Variants in H2BC5 observed in about 807,000 individuals in gnomAD.
The protein encoded by H2BC5 is histone H2B type 1-D.
In H2BC5, 9 loss-of-function variants were observed where a neutral mutation model predicts 5.7. The ratio of observed to expected loss-of-function variants is 1.57; its 90% CI spans 0.95 to 2.74. The LOEUF (loss-of-function observed/expected upper bound fraction) is 2.74, where lower values mean the gene tolerates loss of function less well. H2BC5 is among the 30% of genes most tolerant of loss of function. The probability of loss-of-function intolerance (pLI) is 0.00; values close to 1 mark genes in which losing one functional copy is unlikely to be tolerated. For missense variants in H2BC5, 175 were observed against 168.8 expected (o/e 1.04, Z -0.20); for synonymous variants, 133 against 70.9 (o/e 1.88, Z -4.40).
chr6:26,164,140 T>G, intron 1 of H2BC5: 1 of 445,770 alleles, frequency 2.2e-6, no homozygotes, highest in Non-Finnish European at 4.5e-6. Context: ...CCCCCGTGGG[T>G]GAGGAGGCCA....
At chr6:26,169,478 G>A (rs923029957) in intron 1 of H2BC5, among the ~76,000 whole-genome samples, 1 of 151,992 alleles carries the variant, frequency 6.6e-6, no homozygotes, top group African/African-American at 2.4e-5. Flanking sequence ...TTGCATCAAG[G>A]CAAACATATG....
chr6:26,159,643 T>G (rs1764320760), downstream of H2BC5, among the ~76,000 whole-genome samples: 1 of 152,068 alleles, frequency 6.6e-6, no homozygotes. Context: ...TGGATGAGGC[T>G]AGGTTTGGAG....
chr6:26,166,448 A>G (rs2113837077), intron 1 of H2BC5, among the ~76,000 whole-genome samples: 1 of 152,174 alleles, frequency 6.6e-6, no homozygotes, highest in Admixed American at 6.5e-5. Flanking sequence ...CAGGTCACGC[A>G]GCCATGTACT....
At position 26,158,556 on chromosome 6, in the gene H2BC5, C is replaced by T. The variant is rs755042577; in HGVS notation, c.*6C>T. The stretch of plus-strand genomic sequence containing the variant: ...AGTACACCAGTTCCAAGTAACTTTG[C>T]CAAGTAAGCATCTTTACACCTAATC... On this transcript the variant is annotated 3_prime_UTR_variant, in exon 1 of 1. Coordinates refer to ENST00000377777, the MANE Select transcript of H2BC5 (RefSeq NM_021063.4). 1.2e-5 allele frequency: 20 copies of T among 1,613,934 alleles called. No homozygotes were observed. Among genetic ancestry groups the T allele is most frequent in the Non-Finnish European group, 1.7e-5 (20 of 1,179,976 alleles).
intron 1 of H2BC5, among the ~76,000 whole-genome samples, chr6:26,165,074 GA>G (rs1308207049): frequency 2.0e-5 from 3 of 151,756 alleles, no homozygotes; most frequent in East Asian, 3.9e-4. Flanking sequence ...GGGAAAATGG[GA>G]AAAAAAATCA....
chr6:26,161,393 G>A (rs923911679), downstream of H2BC5, among the ~76,000 whole-genome samples: 2 of 152,054 alleles, frequency 1.3e-5, no homozygotes, highest in Non-Finnish European at 1.5e-5. Flanking sequence ...TGGACCTACC[G>A]GTAGAAATTT....
chr6:26,160,307 A>T (rs1290370642), downstream of H2BC5, among the ~76,000 whole-genome samples: 2 of 152,122 alleles, frequency 1.3e-5, no homozygotes, highest in East Asian at 3.8e-4. Context: ...CACCTCAACA[A>T]ATTGCCACAG....
At chr6:26,167,259 C>T (rs961002236) in intron 1 of H2BC5, among the ~76,000 whole-genome samples, 2 of 152,070 alleles carry the variant, frequency 1.3e-5, no homozygotes, top group African/African-American at 2.4e-5. Flanking sequence ...AACAGCCTGC[C>T]GAGATCTCTC....
chr6:26,161,281 A>G (rs1370763053), downstream of H2BC5: 1 of 152,258 alleles, frequency 6.6e-6, no homozygotes, highest in African/African-American at 2.4e-5. Context: ...GTGACCACAT[A>G]GATTTGAAAA....
downstream of H2BC5, chr6:26,158,744 C>T: frequency 9.7e-6 from 9 of 929,132 alleles, no homozygotes; most frequent in Non-Finnish European, 1.4e-5. Flanking sequence ...ACAATAGGTA[C>T]TAGAAATTGA....
At chr6:26,158,669 A>G, downstream of H2BC5, 1 of 1,431,682 alleles carries the variant, frequency 7.0e-7, no homozygotes, top group East Asian at 2.3e-5. Context: ...ACTTAGCACC[A>G]CAGTACCAAT....
chr6:26,162,715 T>C (rs1220430563), downstream of H2BC5, among the ~76,000 whole-genome samples: 3 of 152,086 alleles, frequency 2.0e-5, no homozygotes, highest in African/African-American at 7.2e-5. Flanking sequence ...TTTTTTGTAT[T>C]TTTAGTAGAG....
rs199994497 is a variant in H2BC5 at position 26,158,306 on chromosome 6, T to C, written c.137T>C (p.Leu46Pro). The change falls in exon 1 of 1, where the codon CTG becomes CCG. Residue 46 changes from leucine to proline, a missense_variant. Transcript: ENST00000377777. ...ESYSVYVYKV[L>P]KQVHPDTGIS... ...TATTCAGTGTATGTGTACAAGGTGC[T>C]GAAGCAGGTCCATCCCGACACCGGC... 9 of 1,614,244 alleles carry C rather than the reference T, an allele frequency of 5.6e-6. No individual in the cohort carries two copies. The Admixed American group carries it at 1.0e-4, about 18-fold the overall frequency.
Position 26,158,598 on chromosome 6 carries a change from G to A in H2BC5, c.*48G>A, listed in dbSNP as rs751049468. 6.3e-7 allele frequency: 1 copy of A among 1,597,190 alleles called. No individual in the cohort carries two copies. Among genetic ancestry groups the A allele is most frequent in the African/African-American group, 1.4e-5 (1 of 73,970 alleles). ...CACCTAATCCCAAAGGCTCTTTTAA[G>A]AGCCACGCATGTTTTCAATAAATGA... On this transcript the variant is annotated 3_prime_UTR_variant, in exon 1 of 1. Transcript: ENST00000377777.
At chr6:26,160,514 G>GAAA (rs34183291), downstream of H2BC5, among the ~76,000 whole-genome samples, 11 of 55,154 alleles carry the variant, frequency 2.0e-4, no homozygotes, top group Non-Finnish European at 2.9e-4. Context: ...TCCTGTCTCT[G>GAAA]AAAAAAAAAA....
In H2BC5 at chr6:26,158,167, A is replaced by G. The variant is rs563325560; in HGVS notation, c.-3A>G. ...CAACAGTGTTCTAACTATTAACGCT[A>G]CGATGCCTGAACCTACCAAGTCTGC... is the stretch of plus-strand genomic sequence containing the variant. On this transcript the variant is annotated 5_prime_UTR_variant, in exon 1 of 1. Transcript: ENST00000377777. 36 of 1,612,170 alleles carry G rather than the reference A, an allele frequency of 2.2e-5. No homozygotes were observed. The highest frequency in any genetic ancestry group is 6.7e-5 in the Admixed American group (4 of 59,374).
chr6:26,169,941 G>GA (rs1469089083), intron 1 of H2BC5, among the ~76,000 whole-genome samples: 8 of 151,956 alleles, frequency 5.3e-5, no homozygotes, highest in African/African-American at 1.9e-4. Flanking sequence ...GGGGGTGAGG[G>GA]AAAGAGCTTG....
At chr6:26,164,034 T>G in intron 1 of H2BC5, 1 of 444,664 alleles carries the variant, frequency 2.2e-6, no homozygotes, top group Middle Eastern at 3.6e-4. Flanking sequence ...GTAAAAGAAC[T>G]TATTGAAATA....
chr6:26,159,992 A>T (rs1764327025), downstream of H2BC5, among the ~76,000 whole-genome samples: 1 of 152,204 alleles, frequency 6.6e-6, no homozygotes, highest in African/African-American at 2.4e-5. Context: ...TCTTAGGTGA[A>T]GGTGAGACAC....
Sources: gnomAD v4.1 joint callset for allele counts (sites outside exome capture counted in the v4.1 genomes callset) on GRCh38, gnomAD v4.1.1 for gene constraint, MANE v1.5 for transcripts, NCBI Gene and HGNC (gene_info 2026-07-23, HGNC 2026-07-21) for gene names.